The following CNTNAP4 variants were observed in gnomAD, a reference collection of about 807,000 sequenced individuals.
CNTNAP4 encodes the protein contactin-associated protein-like 4.
In CNTNAP4, 98 loss-of-function variants were observed where a neutral mutation model predicts 148.4. That is an observed-to-expected ratio of 0.66 (90% CI 0.56 to 0.78). CNTNAP4 has a LOEUF of 0.78. Ranked by LOEUF, CNTNAP4 falls within the 30% of genes least tolerant of loss-of-function variation. The pLI, the probability that CNTNAP4 is intolerant of heterozygous loss-of-function variation, is 0.00. For missense variants in CNTNAP4, 1,935 were observed against 1,565.6 expected (o/e 1.24, Z -3.98); for synonymous variants, 730 against 565.1 (o/e 1.29, Z -4.14).
intron 17 of CNTNAP4, among the ~76,000 whole-genome samples, chr16:76,523,390 A>G (rs1295403397): frequency 6.6e-6 from 1 of 151,306 alleles, no homozygotes; most frequent in African/African-American, 2.4e-5. Flanking sequence ...TTTTTTTCTG[A>G]TATTTTCTGG....
intron 21 of CNTNAP4, among the ~76,000 whole-genome samples, chr16:76,547,396 A>G (rs1597131037): frequency 6.6e-6 from 1 of 152,198 alleles, no homozygotes; most frequent in Non-Finnish European, 1.5e-5. Flanking sequence ...AAAATGACTG[A>G]AAAAAATCAC....
In CNTNAP4 at chr16:76,535,526, T is replaced by G. The variant is rs1189063372; in HGVS notation, c.2756-19T>G. The G allele has an allele frequency of 6.2e-7, 1 of 1,610,024 alleles. No individual in the cohort carries two copies. Among genetic ancestry groups the G allele is most frequent in the Admixed American group, 1.7e-5 (1 of 59,848 alleles). ...AAACACCTAGGAACATGTTTCCATT[T>G]GCAGTATTTCCCTTTTAGGTGGAAC... On this transcript the variant is annotated intron_variant, in intron 17 of 23. Transcript: ENST00000611870.
Position 76,310,268 on chromosome 16 carries a change from C to T in CNTNAP4, c.86-6145C>T, listed in dbSNP as rs536602846. Reference sequence around the variant, plus strand: ...ATGAACCTGAAATTTGTAGCAGTAGCCCAGACTGGGTTTATGGTTACAGTA... The same window carrying T: ...ATGAACCTGAAATTTGTAGCAGTAGTCCAGACTGGGTTTATGGTTACAGTA... On this transcript the variant is annotated intron_variant, in intron 1 of 23. Transcript: ENST00000611870. Among the ~76,000 whole-genome samples the T allele has an allele frequency of 3.3e-5, 5 of 152,122 alleles. No individual in the cohort carries two copies. In the East Asian group the frequency reaches 9.7e-4, roughly 29 times the overall value.
intron 2 of CNTNAP4, among the ~76,000 whole-genome samples, chr16:76,322,518 C>CACT (rs1962531129): frequency 6.6e-6 from 1 of 152,176 alleles, no homozygotes; most frequent in Non-Finnish European, 1.5e-5. Flanking sequence ...GGGTCTTAAT[C>CACT]ACTACTACAT....
At chr16:76,329,809 A>G (rs545579216) in intron 2 of CNTNAP4, among the ~76,000 whole-genome samples, 2 of 152,368 alleles carry the variant, frequency 1.3e-5, no homozygotes, top group Admixed American at 1.3e-4. Flanking sequence ...TGTATAAAAT[A>G]TAACTGACTT....
In CNTNAP4 at chr16:76,538,183, T is replaced by TA; in HGVS notation, c.3068dup (p.Asn1023LysfsTer12). ...ATTTTCAAGAAAATTATCTTTTAAGTAAAAACTCCAGCTCCCACGCTGCTT... is the reference window on the plus strand; with the variant it reads ...ATTTTCAAGAAAATTATCTTTTAAGTAAAAAACTCCAGCTCCCACGCTGCTT... On this transcript the variant is annotated frameshift_variant, in exon 19 of 24. Coordinates refer to ENST00000611870, the MANE Select transcript of CNTNAP4 (RefSeq NM_033401.5). LOFTEE classifies it high-confidence loss of function. 1 of 1,601,908 alleles carries TA rather than the reference T, an allele frequency of 6.2e-7. No homozygotes were observed. Among genetic ancestry groups the TA allele is most frequent in the Non-Finnish European group, 8.5e-7 (1 of 1,175,646 alleles).
intron 2 of CNTNAP4, among the ~76,000 whole-genome samples, chr16:76,323,088 C>A (rs1316379308): frequency 2.6e-5 from 4 of 152,128 alleles, no homozygotes; most frequent in Non-Finnish European, 5.9e-5. Context: ...CTCACGTGAT[C>A]TGCCTGCCTC....
At chr16:76,552,950 T>C (rs1195587057) in intron 21 of CNTNAP4, among the ~76,000 whole-genome samples, 2 of 152,188 alleles carry the variant, frequency 1.3e-5, no homozygotes, top group African/African-American at 4.8e-5. Context: ...ACAAGCCCTA[T>C]TGTAAATACA....
chr16:76,534,478 C>T (rs547316415), intron 17 of CNTNAP4, among the ~76,000 whole-genome samples: 2 of 152,282 alleles, frequency 1.3e-5, no homozygotes, highest in Admixed American at 6.5e-5. Flanking sequence ...AATTGCCTCT[C>T]AATAGAATTG....
At chr16:76,362,276 T>G (rs1194422714) in intron 3 of CNTNAP4, among the ~76,000 whole-genome samples, 1 of 152,122 alleles carries the variant, frequency 6.6e-6, no homozygotes, top group Admixed American at 6.5e-5. Context: ...ATGAAAAAAT[T>G]TCTGTGTTCA....
intron 4 of CNTNAP4, among the ~76,000 whole-genome samples, chr16:76,435,982 A>G (rs2079810639): frequency 6.6e-6 from 1 of 152,106 alleles, no homozygotes; most frequent in East Asian, 1.9e-4. Flanking sequence ...AGAAAACTCA[A>G]GAAGTTCTTT....
rs1470072093 is a variant in CNTNAP4, at chr16:76,558,813, A to G, written c.*130A>G. The G allele has an allele frequency of 3.0e-6, 2 of 667,648 alleles. No individual in the cohort carries two copies. The highest frequency in any genetic ancestry group is 4.9e-6 in the Non-Finnish European group (2 of 405,462). The allele number at this position is 667,648 out of a possible 1,614,324, so 41.4% of individuals were successfully genotyped here. A position where few individuals can be genotyped will look rare whatever the true frequency, so the allele number is the denominator to read the frequency against. On this transcript the variant is annotated 3_prime_UTR_variant, in exon 24 of 24. Transcript: ENST00000611870. Reference sequence around the variant, plus strand: ...TTGCAGCACTGCCATCTTGCCATGTACAGGCTTGGGGTGGCTCCAGGAAGC... The same window carrying G: ...TTGCAGCACTGCCATCTTGCCATGTGCAGGCTTGGGGTGGCTCCAGGAAGC...
At chr16:76,524,657 G>T (rs2083636071) in intron 17 of CNTNAP4, among the ~76,000 whole-genome samples, 1 of 152,114 alleles carries the variant, frequency 6.6e-6, no homozygotes, top group Non-Finnish European at 1.5e-5. Context: ...CATCGATCAT[G>T]TGATACAATT....
intron 8 of CNTNAP4, among the ~76,000 whole-genome samples, chr16:76,461,534 T>A (rs28734057): frequency 6.6e-6 from 1 of 152,220 alleles, no homozygotes; most frequent in Non-Finnish European, 1.5e-5. Context: ...ATTGTTGTAA[T>A]GATTGATGGT....
intron 11 of CNTNAP4, among the ~76,000 whole-genome samples, chr16:76,478,512 C>T (rs970554270): frequency 2.0e-5 from 3 of 152,128 alleles, no homozygotes; most frequent in Non-Finnish European, 4.4e-5. Flanking sequence ...GTTGTTTAAA[C>T]ACTCATTAAC....
chr16:76,388,998 A>G (rs969025713), intron 3 of CNTNAP4, among the ~76,000 whole-genome samples: 6 of 152,218 alleles, frequency 3.9e-5, no homozygotes, highest in African/African-American at 1.2e-4. Context: ...TTACATGTAC[A>G]TTTATAATTA....
chr16:76,277,491 G>A lies in CNTNAP4; in HGVS notation c.-172G>A. 5.1e-6 allele frequency: 3 copies of A among 587,672 alleles called. No homozygotes were observed. The highest frequency in any genetic ancestry group is 9.1e-6 in the Non-Finnish European group (3 of 331,084). 36.4% of individuals were successfully genotyped at this position (587,672 alleles called of 1,614,324 possible). A position where few individuals can be genotyped will look rare whatever the true frequency, so the allele number is the denominator to read the frequency against. On this transcript the variant is annotated 5_prime_UTR_variant, in exon 1 of 24. Coordinates refer to ENST00000611870, the MANE Select transcript of CNTNAP4 (RefSeq NM_033401.5). ...GGGAGAGAGAGAGGGAGAGAGAAGA[G>A]AGGGAGGAGGGAAGAAGAAAAGACG...
At chr16:76,520,380 A>G (rs2083409192) in intron 15 of CNTNAP4, among the ~76,000 whole-genome samples, 1 of 152,212 alleles carries the variant, frequency 6.6e-6, no homozygotes, top group African/African-American at 2.4e-5. Flanking sequence ...TTGGGCAGCA[A>G]TTATAATTAA....
At chr16:76,456,796 G>T (rs1370828628) in intron 8 of CNTNAP4, among the ~76,000 whole-genome samples, 1 of 152,168 alleles carries the variant, frequency 6.6e-6, no homozygotes, top group East Asian at 1.9e-4. Flanking sequence ...CACCTGTCTT[G>T]CAGACAGGGA....
Sources: allele counts gnomAD v4.1 joint callset (sites outside exome capture counted in the v4.1 genomes callset), GRCh38; gene constraint gnomAD v4.1.1; transcripts MANE v1.5; gene names NCBI Gene and HGNC (gene_info 2026-07-23, HGNC 2026-07-21).